The following NECTIN3 variants were observed in gnomAD, a reference collection of about 807,000 sequenced individuals.
NECTIN3 encodes the protein nectin-3.
In NECTIN3, 8 loss-of-function variants were observed where a neutral mutation model predicts 49.4. That is an observed-to-expected ratio of 0.16 (90% CI 0.10 to 0.29). The LOEUF (loss-of-function observed/expected upper bound fraction) is 0.29, where lower values mean the gene tolerates loss of function less well. Among genes scored for constraint, NECTIN3 ranks in the 10% least tolerant of loss-of-function variants. The pLI is 1.00. For missense variants in NECTIN3, 581 were observed against 654.6 expected (o/e 0.89, Z 1.23); for synonymous variants, 277 against 241.1 (o/e 1.15, Z -1.38).
chr3:111,085,248 TCAA>T (rs1192149348), intron 1 of NECTIN3, among the ~76,000 whole-genome samples: 2 of 152,250 alleles, frequency 1.3e-5, no homozygotes, highest in Non-Finnish European at 2.9e-5. Flanking sequence ...GGTGAGGGCT[TCAA>T]CACACAATTC....
chr3:111,077,417 G>A (rs1217887066), intron 1 of NECTIN3: 2 of 216,630 alleles, frequency 9.2e-6, no homozygotes, highest in Non-Finnish European at 1.9e-5. Context: ...AGGCCCTTTA[G>A]GCTTTCAGCC....
chr3:111,119,919 T>C (rs1000167571), intron 3 of NECTIN3, among the ~76,000 whole-genome samples: 1 of 152,204 alleles, frequency 6.6e-6, no homozygotes, highest in African/African-American at 2.4e-5. Context: ...GAGTTTTAAA[T>C]TACACATATT....
At chr3:111,087,390 C>T (rs144701182) in intron 1 of NECTIN3, among the ~76,000 whole-genome samples, 20 of 152,228 alleles carry the variant, frequency 1.3e-4, no homozygotes, top group African/African-American at 4.6e-4. Flanking sequence ...CTGTGCCTCA[C>T]GCCTGTAATC....
At chr3:111,083,976 T>A (rs912947189) in intron 1 of NECTIN3, among the ~76,000 whole-genome samples, 3 of 152,216 alleles carry the variant, frequency 2.0e-5, no homozygotes, top group South Asian at 2.1e-4. Context: ...AAACTTTTTT[T>A]AAAAAATTTA....
chr3:111,094,518 C>T (rs2032473822), intron 1 of NECTIN3, among the ~76,000 whole-genome samples: 1 of 152,136 alleles, frequency 6.6e-6, no homozygotes, highest in South Asian at 2.1e-4. Flanking sequence ...TTCAGTAATT[C>T]TCTGGGGCCT....
intron 1 of NECTIN3, chr3:111,077,218 C>G: frequency 2.3e-6 from 1 of 444,154 alleles, no homozygotes; most frequent in Non-Finnish European, 4.5e-6. Flanking sequence ...TCTTGCAAGA[C>G]TATTGACTGC....
intron 1 of NECTIN3, among the ~76,000 whole-genome samples, chr3:111,073,719 G>A (rs1297621576): frequency 1.3e-5 from 2 of 152,178 alleles, no homozygotes; most frequent in African/African-American, 4.8e-5. Flanking sequence ...CTTCGTTTAT[G>A]TTAAGGACTG....
chr3:111,086,514 A>G (rs187102321), intron 1 of NECTIN3, among the ~76,000 whole-genome samples: 2 of 151,968 alleles, frequency 1.3e-5, no homozygotes, highest in Admixed American at 6.5e-5. Flanking sequence ...TATGGAAAAG[A>G]CTCTCTGCTG....
downstream of NECTIN3, among the ~76,000 whole-genome samples, chr3:111,139,496 T>C (rs2034687001): frequency 6.6e-6 from 1 of 151,792 alleles, no homozygotes; most frequent in African/African-American, 2.4e-5. Flanking sequence ...GATTGAGGTT[T>C]AATTTGAGGG....
At chr3:111,168,180 C>CATGCTAGAA (rs1198997809) in intron 7 of NECTIN3, among the ~76,000 whole-genome samples, 368 of 152,174 alleles carry the variant, frequency 2.4e-3, no homozygotes, top group African/African-American at 8.3e-3. Flanking sequence ...GAAAAAATAA[C>CATGCTAGAA]ATACAAAGAG....
intron 3 of NECTIN3, among the ~76,000 whole-genome samples, chr3:111,120,612 A>C (rs72937914): frequency 0.046 from 6,948 of 151,908 alleles, 533 homozygotes; most frequent in African/African-American, 0.16. Flanking sequence ...ATTTTTTACC[A>C]CTATTTTGTA....
chr3:111,157,714 T>C (rs1429896237), intron 7 of NECTIN3, among the ~76,000 whole-genome samples: 2 of 152,018 alleles, frequency 1.3e-5, no homozygotes, highest in East Asian at 3.8e-4. Flanking sequence ...TTCTTGTAGG[T>C]TATAGGAAGC....
At chr3:111,157,576 G>A (rs1324444662) in intron 7 of NECTIN3, among the ~76,000 whole-genome samples, 1 of 152,026 alleles carries the variant, frequency 6.6e-6, no homozygotes, top group East Asian at 1.9e-4. Context: ...CAAGATGAAG[G>A]TCACAAGAAG....
intron 1 of NECTIN3, among the ~76,000 whole-genome samples, chr3:111,097,699 C>A (rs924249173): frequency 6.6e-6 from 1 of 152,134 alleles, no homozygotes; most frequent in African/African-American, 2.4e-5. Context: ...ATGCCTGCTA[C>A]CATCCATGTA....
intron 1 of NECTIN3, among the ~76,000 whole-genome samples, chr3:111,079,588 G>A (rs1210164960): frequency 2.0e-5 from 3 of 151,546 alleles, no homozygotes; most frequent in South Asian, 4.2e-4. Context: ...TAATTTTTTG[G>A]AAGAGAATCA....
chr3:111,115,058 TTGTAGTGAGCTGTAC>T (rs1211057495), intron 2 of NECTIN3, among the ~76,000 whole-genome samples: 3 of 152,126 alleles, frequency 2.0e-5, no homozygotes, highest in Non-Finnish European at 2.9e-5. Flanking sequence ...GAATTCTTTG[TTGTAGTGAGCTGTAC>T]TATTCATTGT....
Position 111,136,529 on chromosome 3 carries a change from A to G in NECTIN3, c.*2314A>G. On this transcript the variant is annotated 3_prime_UTR_variant, in exon 6 of 6. Coordinates refer to ENST00000485303, the MANE Select transcript of NECTIN3 (RefSeq NM_015480.3). ...TTTGGGAAGCATTGCACTGTTGTTT[A>G]TTAGAACTTTATGTATATTTACTGT... The G allele has an allele frequency of 1.0e-6, 1 of 971,978 alleles. No homozygotes were observed. Among genetic ancestry groups the G allele is most frequent in the Non-Finnish European group, 1.2e-6 (1 of 817,866 alleles). The allele number at this position is 971,978 out of a possible 1,614,324, so 60.2% of individuals were successfully genotyped here.
At chr3:111,190,323 T>C (rs888014995), upstream of NECTIN3, among the ~76,000 whole-genome samples, 3 of 152,196 alleles carry the variant, frequency 2.0e-5, no homozygotes, top group Admixed American at 6.5e-5. Flanking sequence ...AACCTTGACA[T>C]ATGACATCAA....
intron 4 of NECTIN3, among the ~76,000 whole-genome samples, chr3:111,124,870 T>G (rs1296469557): frequency 6.6e-6 from 1 of 152,144 alleles, no homozygotes; most frequent in Admixed American, 6.5e-5. Flanking sequence ...CTTCTGTATC[T>G]CAGCACCACC....
Sources: allele counts gnomAD v4.1 joint callset (sites outside exome capture counted in the v4.1 genomes callset), GRCh38; gene constraint gnomAD v4.1.1; transcripts MANE v1.5; gene names NCBI Gene and HGNC (gene_info 2026-07-23, HGNC 2026-07-21).